The following PTGER3 variants were observed in gnomAD, a reference collection of about 807,000 sequenced individuals.
PTGER3 encodes the protein prostaglandin E receptor 3, also known as prostaglandin E2 receptor EP3 subtype.
Under a neutral mutation model 34.7 loss-of-function variants are expected in PTGER3, and 22 were observed. The ratio of observed to expected loss-of-function variants is 0.63; its 90% CI spans 0.45 to 0.91. The LOEUF is 0.91. Ranked by LOEUF, PTGER3 falls within the 40% of genes least tolerant of loss-of-function variation. The pLI, the probability that PTGER3 is intolerant of heterozygous loss-of-function variation, is 0.00. For synonymous variants in PTGER3, 241 were observed against 230.1 expected (o/e 1.05, Z -0.43); for missense variants, 468 against 519.4 (o/e 0.90, Z 0.96).
intron 1 of PTGER3, among the ~76,000 whole-genome samples, chr1:71,029,600 G>GGAGT (rs1238175978): frequency 1.3e-5 from 2 of 152,154 alleles, no homozygotes; most frequent in Non-Finnish European, 2.9e-5. Flanking sequence ...GGTATGCACA[G>GGAGT]GCACTATGGA....
At chr1:70,868,334 C>T (rs944055802) in intron 4 of PTGER3, among the ~76,000 whole-genome samples, 2 of 152,142 alleles carry the variant, frequency 1.3e-5, no homozygotes, top group African/African-American at 4.8e-5. Context: ...AGTTATAAAT[C>T]ACTTATAATT....
At chr1:70,892,620 C>A (rs1213169580) in intron 4 of PTGER3, among the ~76,000 whole-genome samples, 1 of 152,030 alleles carries the variant, frequency 6.6e-6, no homozygotes, top group Non-Finnish European at 1.5e-5. Flanking sequence ...GTGGGTGGAT[C>A]ATTTGAGGTC....
At chr1:71,038,977 T>C (rs1660055643) in intron 1 of PTGER3, among the ~76,000 whole-genome samples, 1 of 152,076 alleles carries the variant, frequency 6.6e-6, no homozygotes, top group Admixed American at 6.5e-5. Context: ...CAAGATTCCA[T>C]TGAGAATAGG....
At chr1:70,882,196 A>G (rs1306250324) in intron 4 of PTGER3, among the ~76,000 whole-genome samples, 1 of 151,818 alleles carries the variant, frequency 6.6e-6, no homozygotes, top group Non-Finnish European at 1.5e-5. Flanking sequence ...TCTAGCAGGC[A>G]TTGTCCCCCT....
At chr1:71,046,211 G>A (rs1457054793) in intron 1 of PTGER3, among the ~76,000 whole-genome samples, 95 of 150,752 alleles carry the variant, frequency 6.3e-4, no homozygotes, top group African/African-American at 2.2e-3. Context: ...GCGTGAACCC[G>A]GGAGGCGGAG....
At chr1:70,942,556 C>T (rs1027921567) in intron 4 of PTGER3, among the ~76,000 whole-genome samples, 13 of 152,162 alleles carry the variant, frequency 8.5e-5, no homozygotes, top group Admixed American at 2.6e-4. Context: ...GCTGTTCTAT[C>T]CACAGGGTTA....
intron 2 of PTGER3, among the ~76,000 whole-genome samples, chr1:70,958,848 T>G (rs1230172911): frequency 6.6e-6 from 1 of 152,208 alleles, no homozygotes; most frequent in Non-Finnish European, 1.5e-5. Context: ...AGAGTTGATT[T>G]TTGTATACTG....
intron 4 of PTGER3, among the ~76,000 whole-genome samples, chr1:70,884,667 T>C (rs535018683): frequency 3.9e-5 from 6 of 152,308 alleles, no homozygotes; most frequent in Non-Finnish European, 7.4e-5. Flanking sequence ...ATAGTAAAAC[T>C]GTGTTGCTTT....
intron 2 of PTGER3, among the ~76,000 whole-genome samples, chr1:70,994,697 C>A (rs2100785005): frequency 6.6e-6 from 1 of 152,212 alleles, no homozygotes; most frequent in Non-Finnish European, 1.5e-5. Flanking sequence ...ACCTTGCGAT[C>A]CACCCCCCTC....
At position 71,047,130 on chromosome 1, in the gene PTGER3, C is replaced by T; in HGVS notation, c.448G>A (p.Ala150Thr). ...FGLSSLFIAS[A>T]MAVERALAIR... ...GCCAGCGCCCGCTCGACGGCCATGGCGCTGGCGATGAACAACGAGGAGAGC... is the reference window on the plus strand; with the variant it reads ...GCCAGCGCCCGCTCGACGGCCATGGTGCTGGCGATGAACAACGAGGAGAGC... Residue 150 changes from alanine to threonine, a missense_variant, in exon 1 of 4, where the codon GCC becomes ACC. Transcript: ENST00000306666. 6.2e-7 allele frequency: 1 copy of T among 1,601,940 alleles called. No individual in the cohort carries two copies. Among genetic ancestry groups the T allele is most frequent in the Non-Finnish European group, 8.5e-7 (1 of 1,174,656 alleles).
chr1:70,936,074 A>T (rs1010343773), intron 4 of PTGER3, among the ~76,000 whole-genome samples: 2 of 152,196 alleles, frequency 1.3e-5, no homozygotes, highest in Non-Finnish European at 2.9e-5. Flanking sequence ...CATCACAAAA[A>T]TTCATGTGAA....
intron 4 of PTGER3, among the ~76,000 whole-genome samples, chr1:70,880,505 C>A (rs113790211): frequency 6.6e-6 from 1 of 151,152 alleles, no homozygotes; most frequent in African/African-American, 2.4e-5. Context: ...GCCTGGCCAA[C>A]ATGGTGAAAC....
chr1:70,923,936 A>G (rs924323901), intron 4 of PTGER3, among the ~76,000 whole-genome samples: 1 of 152,180 alleles, frequency 6.6e-6, no homozygotes, highest in Non-Finnish European at 1.5e-5. Context: ...CCTGAATGGC[A>G]TGCTTTTCTT....
At chr1:70,862,100 G>A (rs957312830) in intron 4 of PTGER3, among the ~76,000 whole-genome samples, 3 of 151,966 alleles carry the variant, frequency 2.0e-5, no homozygotes, top group Non-Finnish European at 4.4e-5. Flanking sequence ...ATTGGCCAGG[G>A]TGGGCCTGGT....
In PTGER3 at chr1:71,047,753, C is replaced by T; in HGVS notation, c.-176G>A. On this transcript the variant is annotated 5_prime_UTR_variant, in exon 1 of 4. Transcript: ENST00000306666. ...TGCTGGGACCGCGGCCGCGGCGGCG[C>T]CAGGGCTCACTGGCCCGGGAGGGAG... is the stretch of plus-strand genomic sequence containing the variant. The T allele has an allele frequency of 3.5e-6, 2 of 569,698 alleles. No individual in the cohort carries two copies. Among genetic ancestry groups the T allele is most frequent in the Non-Finnish European group, 5.1e-6 (2 of 388,392 alleles). 35.3% of individuals were successfully genotyped at this position (569,698 alleles called of 1,614,324 possible). A position where few individuals can be genotyped will look rare whatever the true frequency, so the allele number is the denominator to read the frequency against.
intron 1 of PTGER3, among the ~76,000 whole-genome samples, chr1:71,039,649 C>CAAAAAAAAAA (rs1183485427): frequency 1.7e-4 from 9 of 54,360 alleles, no homozygotes; most frequent in African/African-American, 2.3e-4. Flanking sequence ...GACTCTGTCT[C>CAAAAAAAAAA]AAAAAAAAAA....
chr1:70,913,294 TA>T (rs2100402485), intron 4 of PTGER3, among the ~76,000 whole-genome samples: 2 of 152,086 alleles, frequency 1.3e-5, no homozygotes, highest in African/African-American at 4.8e-5. Context: ...AAATTTTTAG[TA>T]GTTCATTGCT....
At chr1:70,904,299 C>G (rs1013563423) in intron 4 of PTGER3, among the ~76,000 whole-genome samples, 2 of 152,112 alleles carry the variant, frequency 1.3e-5, no homozygotes, top group Non-Finnish European at 2.9e-5. Flanking sequence ...AGTGTGAAAA[C>G]AGACTAATAC....
chr1:70,954,962 T>C (rs746748781), intron 2 of PTGER3, among the ~76,000 whole-genome samples: 3 of 152,156 alleles, frequency 2.0e-5, no homozygotes, highest in Non-Finnish European at 4.4e-5. Context: ...TCTCTACCTA[T>C]ATGAAAAAAG....
Sources: gnomAD v4.1 joint callset for allele counts (sites outside exome capture counted in the v4.1 genomes callset) on GRCh38, gnomAD v4.1.1 for gene constraint, MANE v1.5 for transcripts, NCBI Gene and HGNC (gene_info 2026-07-23, HGNC 2026-07-21) for gene names.